PDE1C: variants seen among roughly 807,000 people sequenced by gnomAD.
PDE1C encodes dual specificity calcium/calmodulin-dependent 3',5'-cyclic nucleotide phosphodiesterase 1C.
In PDE1C, 62 loss-of-function variants were observed where a neutral mutation model predicts 93.1. That is an observed-to-expected ratio of 0.67 (90% confidence interval 0.54 to 0.82). The LOEUF is 0.82. Among genes scored for constraint, PDE1C ranks in the 40% least tolerant of loss-of-function variants. The pLI is 0.00. For missense variants in PDE1C, 742 were observed against 884.6 expected (o/e 0.84, Z 2.04); for synonymous variants, 325 against 310.1 (o/e 1.05, Z -0.50).
chr7:31,787,666 G>C (rs1026293448), intron 16 of PDE1C: 1 of 152,190 alleles, frequency 6.6e-6, no homozygotes, highest in Non-Finnish European at 1.5e-5. Flanking sequence ...GTAAGCCCTT[G>C]CTCTGTGTGT....
At chr7:32,191,822 A>G (rs1804257003) in intron 2 of PDE1C, among the ~76,000 whole-genome samples, 1 of 152,198 alleles carries the variant, frequency 6.6e-6, no homozygotes, top group Non-Finnish European at 1.5e-5. Flanking sequence ...TGTATCACCA[A>G]CCATGTATGA....
chr7:32,323,563 C>A (rs184545941), intron 1 of PDE1C, among the ~76,000 whole-genome samples: 7 of 152,282 alleles, frequency 4.6e-5, no homozygotes, highest in African/African-American at 1.7e-4. Context: ...AAGGCTGCAG[C>A]AGTCAGGGTG....
chr7:31,788,938 T>A (rs556120173), intron 16 of PDE1C: 7 of 152,288 alleles, frequency 4.6e-5, no homozygotes, highest in African/African-American at 1.4e-4. Flanking sequence ...AATGCCAATA[T>A]TTCACCTTAG....
chr7:32,095,907 C>T (rs1272574749), intron 3 of PDE1C, among the ~76,000 whole-genome samples: 1 of 152,204 alleles, frequency 6.6e-6, no homozygotes, highest in Non-Finnish European at 1.5e-5. Flanking sequence ...CCAGTCTCAA[C>T]AGGTGCCAAG....
chr7:31,792,230 C>A (rs1251554288), intron 16 of PDE1C, among the ~76,000 whole-genome samples: 1 of 152,026 alleles, frequency 6.6e-6, no homozygotes, highest in African/African-American at 2.4e-5. Context: ...TAGCTACCTG[C>A]AAAATAATGT....
the PDE1C span, among the ~76,000 whole-genome samples, chr7:31,719,372 A>T: frequency 2.6e-5 from 4 of 152,192 alleles, no homozygotes; most frequent in African/African-American, 9.7e-5. Context: ...TGTGAGGGGA[A>T]AGGGGCTGCT....
At chr7:31,794,737 G>A (rs981865291) in intron 16 of PDE1C, among the ~76,000 whole-genome samples, 1 of 151,890 alleles carries the variant, frequency 6.6e-6, no homozygotes, top group African/African-American at 2.4e-5. Flanking sequence ...TGCAGGTGAG[G>A]GTAGAGTTAA....
intron 1 of PDE1C, among the ~76,000 whole-genome samples, chr7:32,374,240 A>AG (rs1422029490): frequency 1.4e-5 from 2 of 141,096 alleles, no homozygotes; most frequent in East Asian, 2.1e-4. Context: ...AAAAGAAAGA[A>AG]GGAAGGAAAG....
At position 31,945,247 on chromosome 7, in the gene PDE1C, A is replaced by G. The variant is rs151034734; in HGVS notation, c.129-64387T>C. 3.6e-3 allele frequency among the ~76,000 whole-genome samples: 550 copies of G among 152,296 alleles called. 2 individuals are homozygous for G. The highest frequency in any genetic ancestry group is 0.012 in the African/African-American group (506 of 41,582). On this transcript the variant is annotated intron_variant, in intron 2 of 17. Coordinates refer to ENST00000396191, the MANE Select transcript of PDE1C (RefSeq NM_001191057.4). ...GATAACCCAAAACATTGATATCATT[A>G]TTGCTTTAAAAAGTTCTTTTGAATC...
chr7:31,787,607 C>T (rs1270228488), intron 16 of PDE1C: 3 of 151,552 alleles, frequency 2.0e-5, no homozygotes, highest in East Asian at 2.0e-4. Context: ...TGTGGTAGGA[C>T]TATCCCTATT....
intron 3 of PDE1C, among the ~76,000 whole-genome samples, chr7:32,095,755 G>A (rs944865904): frequency 6.6e-6 from 1 of 152,144 alleles, no homozygotes; most frequent in African/African-American, 2.4e-5. Context: ...GAGAAACAGG[G>A]TGCCTCACAC....
At chr7:31,925,917 G>A (rs1394439227) in intron 2 of PDE1C, among the ~76,000 whole-genome samples, 2 of 151,986 alleles carry the variant, frequency 1.3e-5, no homozygotes, top group Non-Finnish European at 1.5e-5. Context: ...CACTCACCCC[G>A]ATTTCCATGT....
At chr7:32,285,493 A>T (rs180741385) in intron 1 of PDE1C, among the ~76,000 whole-genome samples, 165 of 152,300 alleles carry the variant, frequency 1.1e-3, no homozygotes, top group African/African-American at 3.7e-3. Context: ...GTATATGTTC[A>T]CATAATGGAA....
At chr7:32,170,701 T>C (rs1381173157) in intron 2 of PDE1C, among the ~76,000 whole-genome samples, 1 of 152,186 alleles carries the variant, frequency 6.6e-6, no homozygotes. Context: ...CAGCTAGTTC[T>C]GGACAACCCA....
intron 16 of PDE1C, among the ~76,000 whole-genome samples, chr7:31,796,811 T>C (rs900520002): frequency 2.0e-5 from 3 of 151,770 alleles, no homozygotes; most frequent in East Asian, 3.9e-4. Flanking sequence ...ACAGCACAGC[T>C]TCCAAATTTA....
At chr7:32,199,795 C>T (rs1191391422) in intron 2 of PDE1C, among the ~76,000 whole-genome samples, 5 of 151,944 alleles carry the variant, frequency 3.3e-5, no homozygotes. Context: ...AAATTGAAAC[C>T]TAAAATGCTC....
At chr7:32,191,271 C>G (rs944289227) in intron 2 of PDE1C, among the ~76,000 whole-genome samples, 2 of 152,096 alleles carry the variant, frequency 1.3e-5, no homozygotes, top group African/African-American at 4.8e-5. Flanking sequence ...TTTGTAACAC[C>G]ATAGTACAAG....
At chr7:31,841,971 T>G (rs1115732) in intron 9 of PDE1C, among the ~76,000 whole-genome samples, 40,389 of 151,950 alleles carry the variant, frequency 0.27, 5,547 homozygotes, top group Middle Eastern at 0.42. Context: ...CTTTTTGTTC[T>G]AGTTAGGCCT....
intron 13 of PDE1C, among the ~76,000 whole-genome samples, chr7:31,823,979 T>C (rs971532028): frequency 6.6e-6 from 1 of 152,096 alleles, no homozygotes. Flanking sequence ...TGTGGGGCCA[T>C]GGGGACTCTG....
Sources: allele counts gnomAD v4.1 joint callset (sites outside exome capture counted in the v4.1 genomes callset), GRCh38; gene constraint gnomAD v4.1.1; transcripts MANE v1.5; gene names NCBI Gene and HGNC (gene_info 2026-07-23, HGNC 2026-07-21).